The following RBFOX3 variants were observed in gnomAD, a reference collection of about 807,000 sequenced individuals.
The protein encoded by RBFOX3 is RNA binding fox-1 homolog 3, also known as RNA binding protein fox-1 homolog 3.
RBFOX3 carries 17 observed loss-of-function variants against 48.7 expected under a neutral mutation model. That is an observed-to-expected ratio of 0.35 (90% CI 0.24 to 0.52). RBFOX3 has a LOEUF of 0.52. RBFOX3 is among the 20% of genes least tolerant of loss of function. The pLI, the probability that RBFOX3 is intolerant of heterozygous loss-of-function variation, is 0.94. For synonymous variants in RBFOX3, 212 were observed against 209.5 expected, an observed-to-expected ratio of 1.01 and a Z score of -0.10; for missense variants, 382 against 497.5, an observed-to-expected ratio of 0.77 and a Z score of 2.21.
At chr17:79,411,240 C>T (rs2064283426) in intron 2 of RBFOX3, among the ~76,000 whole-genome samples, 1 of 152,178 alleles carries the variant, frequency 6.6e-6, no homozygotes, top group Non-Finnish European at 1.5e-5. Context: ...GTTCCAGCTT[C>T]TGAACTATAT....
At chr17:79,208,927 T>G (rs1325671157) in intron 4 of RBFOX3, among the ~76,000 whole-genome samples, 3 of 152,152 alleles carry the variant, frequency 2.0e-5, no homozygotes, top group African/African-American at 7.2e-5. Context: ...GCCGTTCTCC[T>G]GCCTCAGCCT....
chr17:79,308,691 G>A (rs1253252867), intron 2 of RBFOX3, among the ~76,000 whole-genome samples: 1 of 152,094 alleles, frequency 6.6e-6, no homozygotes, highest in Non-Finnish European at 1.5e-5. Flanking sequence ...AATGCGATGA[G>A]TGCCTTCATA....
chr17:79,262,000 A>T (rs1309285766), intron 3 of RBFOX3, among the ~76,000 whole-genome samples: 1 of 151,974 alleles, frequency 6.6e-6, no homozygotes, highest in Non-Finnish European at 1.5e-5. Flanking sequence ...TCCTTCACAC[A>T]CTCCAAAACT....
the RBFOX3 span, among the ~76,000 whole-genome samples, chr17:79,625,283 G>C: frequency 1.3e-5 from 2 of 152,070 alleles, no homozygotes; most frequent in East Asian, 3.9e-4. Flanking sequence ...TTGTTGCCTG[G>C]CTGCCTTCCC....
chr17:79,286,908 C>T lies in RBFOX3; in HGVS notation c.-74+20816G>A, dbSNP rs562688463. 2.9e-3 allele frequency among the ~76,000 whole-genome samples: 447 copies of T among 152,316 alleles called. No individual in the cohort carries two copies. The Middle Eastern group carries it at 0.061, about 21-fold the overall frequency. ...CTGGTCCCACACTGTGGGCTGAGAA[C>T]GCTGTAGGGTCAGGGTTCCCTAATC... is the stretch of plus-strand genomic sequence containing the variant. On this transcript the variant is annotated intron_variant, in intron 3 of 14. Coordinates refer to ENST00000693108, the MANE Select transcript of RBFOX3 (RefSeq NM_001350451.2).
chr17:79,503,184 C>T (rs2082604535), intron 1 of RBFOX3, among the ~76,000 whole-genome samples: 2 of 152,198 alleles, frequency 1.3e-5, no homozygotes, highest in African/African-American at 4.8e-5. Flanking sequence ...CTCCTGACCT[C>T]ACTTGACCCT....
At chr17:79,297,070 G>T (rs1339829993) in intron 3 of RBFOX3, among the ~76,000 whole-genome samples, 4 of 151,016 alleles carry the variant, frequency 2.6e-5, no homozygotes, top group East Asian at 2.0e-4. Flanking sequence ...CCAGTGTCTT[G>T]CTCTGTGTGC....
At chr17:79,113,790 T>C (rs1274280713) in intron 5 of RBFOX3, among the ~76,000 whole-genome samples, 2 of 152,220 alleles carry the variant, frequency 1.3e-5, no homozygotes, top group Non-Finnish European at 2.9e-5. Context: ...GGGACAGGGC[T>C]GGGTCCTTTC....
At chr17:79,555,437 T>C (rs2091596827) in intron 1 of RBFOX3, among the ~76,000 whole-genome samples, 1 of 136,200 alleles carries the variant, frequency 7.3e-6, no homozygotes, top group African/African-American at 3.2e-5. Context: ...GTGGTGATGA[T>C]GGTAGTTGTG....
chr17:79,174,738 C>T (rs897810828), intron 4 of RBFOX3, among the ~76,000 whole-genome samples: 5 of 152,200 alleles, frequency 3.3e-5, no homozygotes, highest in African/African-American at 7.2e-5. Flanking sequence ...TTCACACGCA[C>T]ACATACACTG....
intron 4 of RBFOX3, among the ~76,000 whole-genome samples, chr17:79,171,790 A>G (rs930213749): frequency 6.6e-6 from 1 of 151,684 alleles, no homozygotes; most frequent in Non-Finnish European, 1.5e-5. Context: ...TCAACCTCCC[A>G]AAGTGCTGGG....
chr17:79,146,641 G>A lies in RBFOX3; in HGVS notation c.-33-30893C>T, dbSNP rs551528274. ...TCACTGGGGAGCAGCTGAGGGGCTG[G>A]TCTGTGTGTGACCAGCTGCCATCTG... is the stretch of plus-strand genomic sequence containing the variant. On this transcript the variant is annotated intron_variant, in intron 4 of 14. Coordinates refer to ENST00000693108, the MANE Select transcript of RBFOX3 (RefSeq NM_001350451.2). Among the ~76,000 whole-genome samples, 4 of 152,324 alleles carry A rather than the reference G, an allele frequency of 2.6e-5. 1 individual carries two copies. Among genetic ancestry groups the A allele is most frequent in the African/African-American group, 7.2e-5 (3 of 41,570 alleles).
rs1278693230 is a variant in RBFOX3, at chr17:79,249,809, C to G, written c.-73-14004G>C. 2.0e-5 allele frequency among the ~76,000 whole-genome samples: 3 copies of G among 152,168 alleles called. No homozygotes were observed. Among genetic ancestry groups the G allele is most frequent in the African/African-American group, 7.2e-5 (3 of 41,434 alleles). ...GTCCCTGATGCCGAGTTCCCTGTCT[C>G]TAGGGATCTGTCCCTAGATAGGCTT... On this transcript the variant is annotated intron_variant, in intron 3 of 14. Coordinates refer to ENST00000693108, the MANE Select transcript of RBFOX3 (RefSeq NM_001350451.2). The surrounding 1 kb of genome is among the most constrained non-coding windows in gnomAD (Gnocchi z 4.1).
chr17:79,472,513 C>G (rs2077177134), intron 2 of RBFOX3, among the ~76,000 whole-genome samples: 1 of 152,192 alleles, frequency 6.6e-6, no homozygotes, highest in Admixed American at 6.5e-5. Flanking sequence ...CAGACATGCA[C>G]AGATCAAGGG....
chr17:79,379,094 G>A (rs963721180), intron 2 of RBFOX3, among the ~76,000 whole-genome samples: 3 of 152,150 alleles, frequency 2.0e-5, no homozygotes, highest in African/African-American at 7.2e-5. Flanking sequence ...AAGCCTGATG[G>A]ACACGTTCCA....
Position 79,212,016 on chromosome 17 carries a change from A to G in RBFOX3, c.-34+23750T>C, listed in dbSNP as rs2058448096. Among the ~76,000 whole-genome samples the G allele has an allele frequency of 6.6e-6, 1 of 152,124 alleles. No individual in the cohort carries two copies. Among genetic ancestry groups the G allele is most frequent in the Non-Finnish European group, 1.5e-5 (1 of 68,008 alleles). ...GTTGTGGCCAGGCCAAGCTCCCGAAAGCTCTGGTCTCCTGGGGTCTTGGAA... is the reference window on the plus strand; with the variant it reads ...GTTGTGGCCAGGCCAAGCTCCCGAAGGCTCTGGTCTCCTGGGGTCTTGGAA... On this transcript the variant is annotated intron_variant, in intron 4 of 14. Coordinates refer to ENST00000693108, the MANE Select transcript of RBFOX3 (RefSeq NM_001350451.2). This position sits in a 1 kb window ranked among gnomAD's most constrained non-coding sequence, Gnocchi z 4.7.
At chr17:79,302,050 G>A (rs930286392) in intron 3 of RBFOX3, among the ~76,000 whole-genome samples, 1 of 152,150 alleles carries the variant, frequency 6.6e-6, no homozygotes, top group Non-Finnish European at 1.5e-5. Flanking sequence ...GGTGATGTTT[G>A]CACAACAATG....
chr17:79,096,629 C>T, intron 12 of RBFOX3, 24 bp downstream of exon 12: 1 of 1,162,340 alleles, frequency 8.6e-7, no homozygotes. Flanking sequence ...ATCCCACCCT[C>T]CCTCCCGGCG....
At position 79,199,464 on chromosome 17, in the gene RBFOX3, G is replaced by A. The variant is rs146094655; in HGVS notation, c.-34+36302C>T. On this transcript the variant is annotated intron_variant, in intron 4 of 14. Transcript: ENST00000693108. The surrounding 1 kb of genome is among the most constrained non-coding windows in gnomAD (Gnocchi z 5.1). ...TCTCTCAGTGGGGGAAATCAGCCCAGGTGGGACTTGAGGAAGAGGAGAAGG... is the reference window on the plus strand; with the variant it reads ...TCTCTCAGTGGGGGAAATCAGCCCAAGTGGGACTTGAGGAAGAGGAGAAGG... Among the ~76,000 whole-genome samples, 1 of 151,918 alleles carries A rather than the reference G, an allele frequency of 6.6e-6. No homozygotes were observed. Among genetic ancestry groups the A allele is most frequent in the Admixed American group, 6.5e-5 (1 of 15,282 alleles).
Sources: gnomAD v4.1 joint callset for allele counts (sites outside exome capture counted in the v4.1 genomes callset) on GRCh38, gnomAD v4.1.1 for gene constraint, Gnocchi (gnomAD v3.1) non-coding constraint, MANE v1.5 for transcripts, NCBI Gene and HGNC (gene_info 2026-07-23, HGNC 2026-07-21) for gene names.